Variants in FBXO10 observed in about 807,000 individuals in gnomAD.
The protein encoded by FBXO10 is F-box protein 10, also known as F-box only protein 10.
A neutral mutation model predicts 80.7 loss-of-function variants in FBXO10; 39 were observed. That is an observed-to-expected ratio of 0.48 (90% CI 0.37 to 0.63). The LOEUF is 0.63. FBXO10 is among the 30% of genes least tolerant of loss of function. The pLI is 0.00. For missense variants in FBXO10, 1,025 were observed against 1,269.0 expected, an observed-to-expected ratio of 0.81 and a Z score of 2.92; for synonymous variants, 449 against 489.6, an observed-to-expected ratio of 0.92 and a Z score of 1.09.
intron 1 of FBXO10, among the ~76,000 whole-genome samples, chr9:37,566,640 C>G (rs961545087): frequency 6.6e-6 from 1 of 152,152 alleles, no homozygotes; most frequent in Non-Finnish European, 1.5e-5. Flanking sequence ...GATTTAAAAT[C>G]TTTCTTCAAA....
At chr9:37,543,246 T>G (rs914403032) in intron 1 of FBXO10, among the ~76,000 whole-genome samples, 9 of 152,266 alleles carry the variant, frequency 5.9e-5, no homozygotes, top group African/African-American at 1.7e-4. Context: ...GTGATTTATA[T>G]CACATGATTA....
chr9:37,551,905 C>G (rs1334783429), intron 1 of FBXO10, among the ~76,000 whole-genome samples: 1 of 152,224 alleles, frequency 6.6e-6, no homozygotes, highest in African/African-American at 2.4e-5. Flanking sequence ...CGTGAATGCT[C>G]TGCTGCTTAG....
chr9:37,563,031 G>A (rs995057214), intron 1 of FBXO10, among the ~76,000 whole-genome samples: 1 of 152,144 alleles, frequency 6.6e-6, no homozygotes, highest in Non-Finnish European at 1.5e-5. Context: ...CATGTGTCAG[G>A]GGTGTGACCA....
chr9:37,511,524 TGAGAGG>T lies in FBXO10; in HGVS notation c.*1017_*1022del, dbSNP rs1821054102. ...ACAAGGCAGAAAGTGCTCAGTACCC[TGAGAGG>T]GAGCAGAGAAAGGCCACTGAGGCCC... On this transcript the variant is annotated 3_prime_UTR_variant, in exon 11 of 11. Coordinates refer to ENST00000432825, the MANE Select transcript of FBXO10 (RefSeq NM_012166.3). 6.5e-6 allele frequency: 1 copy of T among 153,092 alleles called. No individual in the cohort carries two copies. Among genetic ancestry groups the T allele is most frequent in the Admixed American group, 6.5e-5 (1 of 15,272 alleles). 9.5% of individuals were successfully genotyped at this position (153,092 alleles called of 1,614,324 possible). A position where few individuals can be genotyped will look rare whatever the true frequency, so the allele number is the denominator to read the frequency against.
Position 37,537,892 on chromosome 9 carries a change from T to C in FBXO10, c.637A>G (p.Ile213Val), listed in dbSNP as rs1821815091. Residue 213 changes from isoleucine (I) to valine (V), a missense_variant, in exon 3 of 11, where the codon ATC becomes GTC. This residue lies in a region of FBXO10 where 450 missense variants were observed against 499.4 expected (regional missense o/e 0.90). Transcript: ENST00000432825. ...CAAGTACCCGGGCCATGGACCTGGA[T>C]GTGCCCGTTCTCAAAGTTGCAGTTG... is the stretch of plus-strand genomic sequence containing the variant. ...FDNCNFENGH[I>V]QVHGPGTCQV... is the part of the protein sequence containing the mutation. 2 of 1,614,036 alleles carry C rather than the reference T, an allele frequency of 1.2e-6. No homozygotes were observed. Among genetic ancestry groups the C allele is most frequent in the East Asian group, 4.5e-5 (2 of 44,890 alleles).
chr9:37,544,761 G>A (rs537016018), intron 1 of FBXO10, among the ~76,000 whole-genome samples: 3 of 152,144 alleles, frequency 2.0e-5, no homozygotes, highest in Non-Finnish European at 4.4e-5. Context: ...TTGGGAGGCC[G>A]AGGTGGGCGG....
At chr9:37,527,391 G>A (rs992326682) in intron 5 of FBXO10, among the ~76,000 whole-genome samples, 5 of 152,112 alleles carry the variant, frequency 3.3e-5, no homozygotes, top group Admixed American at 2.6e-4. Flanking sequence ...GTCCTCTGCC[G>A]TCCAGCAACA....
intron 1 of FBXO10, among the ~76,000 whole-genome samples, chr9:37,566,502 C>G (rs1054466845): frequency 6.6e-6 from 1 of 150,824 alleles, no homozygotes; most frequent in Non-Finnish European, 1.5e-5. Flanking sequence ...AAGGGCTGCT[C>G]AGAACCCTAT....
intron 10 of FBXO10, among the ~76,000 whole-genome samples, chr9:37,512,950 C>A (rs1301286406): frequency 6.6e-6 from 1 of 152,230 alleles, no homozygotes; most frequent in Non-Finnish European, 1.5e-5. Context: ...CTGCATGTAG[C>A]CTTGGACAAG....
intron 1 of FBXO10, among the ~76,000 whole-genome samples, chr9:37,553,696 G>A (rs1178955049): frequency 2.7e-5 from 4 of 150,504 alleles, no homozygotes; most frequent in Admixed American, 6.6e-5. Flanking sequence ...ACCAGAGGTC[G>A]GGAGTTCGAG....
At chr9:37,557,607 C>T (rs750617549) in intron 1 of FBXO10, among the ~76,000 whole-genome samples, 6 of 152,216 alleles carry the variant, frequency 3.9e-5, no homozygotes, top group Non-Finnish European at 7.4e-5. Flanking sequence ...ACTCTGAATT[C>T]AGTGACTTCA....
At chr9:37,555,392 A>G (rs1822310160) in intron 1 of FBXO10, among the ~76,000 whole-genome samples, 1 of 150,294 alleles carries the variant, frequency 6.7e-6, no homozygotes, top group African/African-American at 2.4e-5. Context: ...TTTTTTTTTC[A>G]GACGGAGTTT....
Position 37,518,441 on chromosome 9 carries a change from A to G in FBXO10, c.2201-3T>C. On this transcript the variant is annotated splice_region_variant and splice_polypyrimidine_tract_variant and intron_variant, in intron 8 of 10. Transcript: ENST00000432825. ...GCTCTGGACATAGAGTCCTGAGGCT[A>G]TGGGTGGAAGGGTTGGAAAGCACAG... 6.3e-7 allele frequency: 1 copy of G among 1,579,506 alleles called. No homozygotes were observed. The highest frequency in any genetic ancestry group is 8.6e-7 in the Non-Finnish European group (1 of 1,160,586).
At chr9:37,551,783 TGA>T (rs1292702254) in intron 1 of FBXO10, among the ~76,000 whole-genome samples, 1 of 152,026 alleles carries the variant, frequency 6.6e-6, no homozygotes, top group Non-Finnish European at 1.5e-5. Flanking sequence ...TAACCAGAAC[TGA>T]GAGTTTTTCA....
At chr9:37,517,076 A>C (rs1165081834) in intron 9 of FBXO10, among the ~76,000 whole-genome samples, 1 of 152,224 alleles carries the variant, frequency 6.6e-6, no homozygotes, top group Non-Finnish European at 1.5e-5. Flanking sequence ...GGAGGCCATT[A>C]TTCTAAGAGA....
At chr9:37,551,854 T>C (rs1822205635) in intron 1 of FBXO10, among the ~76,000 whole-genome samples, 1 of 152,226 alleles carries the variant, frequency 6.6e-6, no homozygotes, top group African/African-American at 2.4e-5. Flanking sequence ...TTCTTTCTTT[T>C]CCCATTTTAC....
intron 5 of FBXO10, among the ~76,000 whole-genome samples, chr9:37,527,160 T>C (rs1293683819): frequency 6.6e-6 from 1 of 152,192 alleles, no homozygotes; most frequent in Non-Finnish European, 1.5e-5. Context: ...CCTGCTCTCT[T>C]AATCTAATTC....
intron 1 of FBXO10, among the ~76,000 whole-genome samples, chr9:37,558,131 G>A (rs528068130): frequency 6.6e-6 from 1 of 152,312 alleles, no homozygotes; most frequent in South Asian, 2.1e-4. Flanking sequence ...TTTCTGAGAT[G>A]CTTTATCCAT....
intron 1 of FBXO10, among the ~76,000 whole-genome samples, chr9:37,543,030 G>A (rs1394508224): frequency 6.6e-6 from 1 of 152,190 alleles, no homozygotes; most frequent in East Asian, 1.9e-4. Flanking sequence ...GTCTGTCTCT[G>A]CTTGTTCCCA....
Sources: allele counts gnomAD v4.1 joint callset (sites outside exome capture counted in the v4.1 genomes callset), GRCh38; gene constraint gnomAD v4.1.1; regional missense constraint gnomAD v4.1.1; transcripts MANE v1.5; gene names NCBI Gene and HGNC (gene_info 2026-07-23, HGNC 2026-07-21).